Variants in TENT4B observed in about 807,000 individuals in gnomAD.
TENT4B encodes terminal nucleotidyltransferase 4B.
A neutral mutation model predicts 75.0 loss-of-function variants in TENT4B; 10 were observed. That is an observed-to-expected ratio of 0.13 (90% CI 0.08 to 0.23). The LOEUF (loss-of-function observed/expected upper bound fraction) is 0.23. Ranked by LOEUF, TENT4B falls within the 10% of genes least tolerant of loss-of-function variation. The pLI, the probability that TENT4B is intolerant of heterozygous loss-of-function variation, is 1.00. For synonymous variants in TENT4B, 350 were observed against 357.7 expected, an observed-to-expected ratio of 0.98 and a Z score of 0.24; for missense variants, 579 against 893.8, an observed-to-expected ratio of 0.65 and a Z score of 4.49.
intron 1 of TENT4B, among the ~76,000 whole-genome samples, chr16:50,158,390 C>G (rs753090334): frequency 6.6e-6 from 1 of 152,146 alleles, no homozygotes; most frequent in Non-Finnish European, 1.5e-5. Flanking sequence ...CCTGGCCTGG[C>G]CTTTTATGTT....
At chr16:50,155,991 T>C (rs1313180729) in intron 1 of TENT4B, among the ~76,000 whole-genome samples, 1 of 152,198 alleles carries the variant, frequency 6.6e-6, no homozygotes, top group African/African-American at 2.4e-5. Context: ...CTCTACTTGC[T>C]ATTTAATGCA....
intron 2 of TENT4B, among the ~76,000 whole-genome samples, chr16:50,212,555 G>A (rs539591716): frequency 6.6e-6 from 1 of 152,246 alleles, no homozygotes; most frequent in Non-Finnish European, 1.5e-5. Context: ...AAACAAAGAA[G>A]TTTCATTGTA....
intron 1 of TENT4B, among the ~76,000 whole-genome samples, chr16:50,159,306 G>A (rs1048416931): frequency 2.0e-5 from 3 of 149,580 alleles, no homozygotes; most frequent in South Asian, 2.1e-4. Context: ...GTGCAGTGGC[G>A]CGATCTTGGC....
intron 1 of TENT4B, among the ~76,000 whole-genome samples, chr16:50,182,756 G>T (rs920583306): frequency 1.3e-5 from 2 of 151,820 alleles, no homozygotes; most frequent in African/African-American, 4.8e-5. Flanking sequence ...TTTTCACCTA[G>T]TATTTCCATC....
At chr16:50,182,088 G>GA (rs953218291) in intron 1 of TENT4B, among the ~76,000 whole-genome samples, 2 of 152,134 alleles carry the variant, frequency 1.3e-5, no homozygotes, top group African/African-American at 4.8e-5. Flanking sequence ...GCAACATGGT[G>GA]AAACCCTGTC....
In TENT4B at chr16:50,163,879, C is replaced by T. The variant is rs931136252; in HGVS notation, c.638+9620C>T. On this transcript the variant is annotated intron_variant, in intron 1 of 11. Transcript: ENST00000561678. ...TTATTTTATAGAAATGGGGTCTCGC[C>T]GGGTGCGATGGCTCACGCCTGTAAT... Among the ~76,000 whole-genome samples the T allele has an allele frequency of 2.2e-4, 34 of 151,422 alleles. 1 individual carries two copies. The highest frequency in any genetic ancestry group is 6.3e-4 in the African/African-American group (26 of 41,280).
At chr16:50,159,063 T>C (rs1023462260) in intron 1 of TENT4B, among the ~76,000 whole-genome samples, 6 of 152,176 alleles carry the variant, frequency 3.9e-5, no homozygotes, top group African/African-American at 1.4e-4. Context: ...GGCTGAGATG[T>C]AGTGCTCTTC....
chr16:50,234,236 T>C lies in TENT4B; in HGVS notation c.*4908T>C. ...TGGGAGGCCGAAGCGGGAGGATGGC[T>C]TGAGGCTGGGAGTTTGAGACCTTCA... On this transcript the variant is annotated 3_prime_UTR_variant, in exon 12 of 12. Transcript: ENST00000561678. 1.0e-6 allele frequency: 1 copy of C among 985,620 alleles called. No individual in the cohort carries two copies. Among genetic ancestry groups the C allele is most frequent in the Non-Finnish European group, 1.2e-6 (1 of 830,102 alleles). The allele number at this position is 985,620 out of a possible 1,614,324, so 61.1% of individuals were successfully genotyped here.
intron 1 of TENT4B, among the ~76,000 whole-genome samples, chr16:50,161,422 G>T (rs765712485): frequency 6.6e-6 from 1 of 152,134 alleles, no homozygotes; most frequent in Non-Finnish European, 1.5e-5. Context: ...GTGCACAAGA[G>T]ATTTCACATA....
chr16:50,177,357 G>C (rs537275069), intron 1 of TENT4B, among the ~76,000 whole-genome samples: 1 of 152,224 alleles, frequency 6.6e-6, no homozygotes, highest in East Asian at 1.9e-4. Context: ...ACCCATCTGG[G>C]CCTGGTGCCT....
rs2032313822 is a variant in TENT4B, at chr16:50,232,103, A to C, written c.*2775A>C. 1.0e-6 allele frequency: 1 copy of C among 985,266 alleles called. No homozygotes were observed. The highest frequency in any genetic ancestry group is 1.7e-5 in the African/African-American group (1 of 57,222). 61.0% of individuals were successfully genotyped at this position (985,266 alleles called of 1,614,324 possible). ...TATTAATATTTAAAGACTGTTTTTT[A>C]GAGGAGCTGATGGGTTGGTGAGGTG... On this transcript the variant is annotated 3_prime_UTR_variant, in exon 12 of 12. Transcript: ENST00000561678.
chr16:50,159,501 A>G (rs2037964423), intron 1 of TENT4B, among the ~76,000 whole-genome samples: 1 of 151,976 alleles, frequency 6.6e-6, no homozygotes, highest in Non-Finnish European at 1.5e-5. Context: ...CGGCCGCCCA[A>G]AGTGCTGGGA....
chr16:50,222,615 T>C (rs144343017), intron 6 of TENT4B, among the ~76,000 whole-genome samples, 181 bp downstream of exon 6: 5 of 152,226 alleles, frequency 3.3e-5, no homozygotes, highest in African/African-American at 1.2e-4. Flanking sequence ...ATTTTTAAAT[T>C]CCTATGAAAG....
chr16:50,197,099 C>T (rs1049017739), intron 1 of TENT4B, among the ~76,000 whole-genome samples: 6 of 150,686 alleles, frequency 4.0e-5, no homozygotes, highest in Admixed American at 1.3e-4. Context: ...ATAGCAAGAC[C>T]CCATCTCTAA....
intron 6 of TENT4B, 59 bp from the exon 7 acceptor site, chr16:50,223,115 C>T: frequency 7.6e-7 from 1 of 1,310,198 alleles, no homozygotes; most frequent in Non-Finnish European, 1.1e-6. Context: ...ATAATTTATT[C>T]CCCCTCTCCT....
At chr16:50,180,477 T>C (rs1177480302) in intron 1 of TENT4B, among the ~76,000 whole-genome samples, 2 of 152,070 alleles carry the variant, frequency 1.3e-5, no homozygotes, top group Admixed American at 6.5e-5. Context: ...GAGGCCGAGG[T>C]GGGCAGATCA....
At chr16:50,181,458 T>C (rs2038413893) in intron 1 of TENT4B, among the ~76,000 whole-genome samples, 1 of 149,250 alleles carries the variant, frequency 6.7e-6, no homozygotes, top group African/African-American at 2.5e-5. Flanking sequence ...CATATCCAGC[T>C]ATTGTATTTT....
intron 1 of TENT4B, among the ~76,000 whole-genome samples, chr16:50,193,333 T>G (rs957656403): frequency 7.0e-6 from 1 of 142,610 alleles, no homozygotes; most frequent in Admixed American, 7.0e-5. Context: ...TTCCTGGAGT[T>G]TTTTTTTTTT....
At chr16:50,209,145 G>A (rs1027328542) in intron 1 of TENT4B, among the ~76,000 whole-genome samples, 2 of 152,204 alleles carry the variant, frequency 1.3e-5, no homozygotes, top group Non-Finnish European at 2.9e-5. Context: ...GAGAGTAGAT[G>A]CAGTCACATT....
Sources: gnomAD v4.1 joint callset for allele counts (sites outside exome capture counted in the v4.1 genomes callset) on GRCh38, gnomAD v4.1.1 for gene constraint, MANE v1.5 for transcripts, NCBI Gene and HGNC (gene_info 2026-07-23, HGNC 2026-07-21) for gene names.